Variants in ELN observed in about 807,000 individuals in gnomAD.
ELN encodes the protein tropoelastin.
Under a neutral mutation model 105.8 loss-of-function variants are expected in ELN, and 65 were observed. That is an observed-to-expected ratio of 0.61 (90% CI 0.50 to 0.75). The LOEUF (loss-of-function observed/expected upper bound fraction) is 0.75, where lower values mean the gene tolerates loss of function less well. ELN is among the 30% of genes least tolerant of loss of function. The pLI is 0.00. For missense variants in ELN, 882 were observed against 969.4 expected, an observed-to-expected ratio of 0.91 and a Z score of 1.20; for synonymous variants, 368 against 389.2, an observed-to-expected ratio of 0.95 and a Z score of 0.64.
In ELN at chr7:74,043,940, C is replaced by T. The variant is rs1320973586; in HGVS notation, c.469+20C>T. The T allele has an allele frequency of 2.5e-6, 4 of 1,613,798 alleles. No individual in the cohort carries two copies. The highest frequency in any genetic ancestry group is 3.4e-6 in the Non-Finnish European group (4 of 1,179,912). ...TCCCAGGTGAGAGCAAGGAGGGAAA[C>T]AGGGACTCTATAGGAAGAAAGCAGC... On this transcript the variant is annotated intron_variant, in intron 9 of 32. Coordinates refer to ENST00000252034, the MANE Select transcript of ELN (RefSeq NM_000501.4).
chr7:74,066,733 A>C lies in ELN; in HGVS notation c.2088A>C (p.Gly696=), dbSNP rs1798044033. 3 of 1,613,850 alleles carry C rather than the reference A, an allele frequency of 1.9e-6. No homozygotes were observed. The highest frequency in any genetic ancestry group is 2.5e-6 in the Non-Finnish European group (3 of 1,179,840). The change falls in exon 32 of 33, where the codon GGA becomes GGC. Residue 696 remains glycine (G), a splice_region_variant and synonymous_variant. Transcript: ENST00000252034. ...LGGAGQFPLG[G]VAARPGFGLS... Reference sequence around the variant, plus strand: ...ACCAACCTGAAATCTCTCCTGCAGGAGTGGCAGCAAGACCTGGCTTCGGAT... The same window carrying C: ...ACCAACCTGAAATCTCTCCTGCAGGCGTGGCAGCAAGACCTGGCTTCGGAT...
Position 74,043,016 on chromosome 7 carries a change from G to A in ELN, c.358G>A (p.Gly120Ser), listed in dbSNP as rs942805371. 5.0e-6 allele frequency: 8 copies of A among 1,614,080 alleles called. No individual in the cohort carries two copies. The African/African-American group carries it at 1.1e-4, about 22-fold the overall frequency. The change falls in exon 7 of 33, where the codon GGC becomes AGC. Residue 120 changes from glycine to serine, a missense_variant. Coordinates refer to ENST00000252034, the MANE Select transcript of ELN (RefSeq NM_000501.4). ...AGLGGVPGVG[G>S]LGVSAGAVVP... ...GCTTGGTGGTGTCCCAGGAGTTGGT[G>A]GCTTAGGAGTGTCTGCAGGTACGAT... is the stretch of plus-strand genomic sequence containing the variant.
chr7:74,056,155 A>T, intron 19 of ELN, 116 bp from the exon 20 acceptor site: 1 of 1,417,470 alleles, frequency 7.1e-7, no homozygotes, highest in Non-Finnish European at 9.9e-7. Flanking sequence ...TCTGTCTTTT[A>T]TGGACAAGGC....
chr7:74,033,355 A>C (rs1321785995), intron 1 of ELN, among the ~76,000 whole-genome samples: 1 of 152,228 alleles, frequency 6.6e-6, no homozygotes, highest in Non-Finnish European at 1.5e-5. Flanking sequence ...AAGAGGAGGA[A>C]GGAGAGAGGC....
At chr7:74,036,404 A>C (rs1414729369) in intron 2 of ELN, 151 bp from the exon 3 acceptor site, 1 of 974,886 alleles carries the variant, frequency 1.0e-6, no homozygotes, top group African/African-American at 1.6e-5. Context: ...CTACTGGCCA[A>C]GCAGAAGAGA....
At chr7:74,040,476 G>T (rs1315244918) in intron 4 of ELN, among the ~76,000 whole-genome samples, 1 of 152,208 alleles carries the variant, frequency 6.6e-6, no homozygotes, top group Non-Finnish European at 1.5e-5. Context: ...AGCCAGGGGG[G>T]ACCTCTCCAG....
At chr7:74,031,871 AG>A (rs1788766232) in intron 1 of ELN, among the ~76,000 whole-genome samples, 3 of 144,658 alleles carry the variant, frequency 2.1e-5, no homozygotes, top group Non-Finnish European at 4.6e-5. Context: ...GAAGGAAGGA[AG>A]GAAGGAAGGA....
At chr7:74,053,911 A>G (rs1554677999) in intron 18 of ELN, among the ~76,000 whole-genome samples, 1 of 151,172 alleles carries the variant, frequency 6.6e-6, no homozygotes, top group African/African-American at 2.4e-5. Flanking sequence ...GAATGGATGA[A>G]TGGGTAGATG....
In ELN at chr7:74,059,989, A is replaced by AGTTGGTGTGGCTCCTGGC; in HGVS notation, c.1524_1541dup (p.Val513_Gly518dup). 1.2e-6 allele frequency: 2 copies of AGTTGGTGTGGCTCCTGGC among 1,610,410 alleles called. No individual in the cohort carries two copies. The highest frequency in any genetic ancestry group is 1.7e-6 in the Non-Finnish European group (2 of 1,179,022). ...CTCCTGGAGTTGGCGTGGCTCCTGG[A>AGTTGGTGTGGCTCCTGGC]GTTGGTGTGGCTCCTGGCGTTGGCG... On this transcript the variant is annotated inframe_insertion, in exon 23 of 33. Transcript: ENST00000252034.
At chr7:74,048,295 C>A in intron 14 of ELN, 94 bp downstream of exon 14, 1 of 1,571,200 alleles carries the variant, frequency 6.4e-7, no homozygotes, top group Non-Finnish European at 8.8e-7. Flanking sequence ...CTGAAAGCAG[C>A]AGCCCACCCT....
intron 1 of ELN, among the ~76,000 whole-genome samples, chr7:74,034,257 G>A (rs1345051374): frequency 6.6e-6 from 1 of 152,152 alleles, no homozygotes; most frequent in East Asian, 1.9e-4. Context: ...AATGCTCGCT[G>A]TAGCAGCCCA....
chr7:74,063,053 T>C lies in ELN; in HGVS notation c.1787-100T>C. The C allele has an allele frequency of 7.0e-7, 1 of 1,433,116 alleles. No homozygotes were observed. The allele number at this position is 1,433,116 out of a possible 1,614,324, so 88.8% of individuals were successfully genotyped here. On this transcript the variant is annotated intron_variant, in intron 26 of 32. Coordinates refer to ENST00000252034, the MANE Select transcript of ELN (RefSeq NM_000501.4). This position sits in a 1 kb window ranked among gnomAD's most constrained non-coding sequence, Gnocchi z 4.1. Reference sequence around the variant, plus strand: ...TCCTGTCCACTGCTCCTCCACAGTGTCACATGGCCCCTGCCACCTGTCTGC... The same window carrying C: ...TCCTGTCCACTGCTCCTCCACAGTGCCACATGGCCCCTGCCACCTGTCTGC...
chr7:74,064,038 G>A (rs897250488), intron 29 of ELN, among the ~76,000 whole-genome samples: 2 of 151,846 alleles, frequency 1.3e-5, no homozygotes, highest in East Asian at 3.9e-4. Context: ...AGGAGGCAGA[G>A]GCTGCAGTGA....
Position 74,060,200 on chromosome 7 carries a change from A to G in ELN, c.1621+16A>G. On this transcript the variant is annotated intron_variant, in intron 24 of 32. Coordinates refer to ENST00000252034, the MANE Select transcript of ELN (RefSeq NM_000501.4). ...GCCCAGCTCCGTGAGTGCCTCGCCCACCTTTCTCTCCTCTCCCCAACGATC... is the reference window on the plus strand; with the variant it reads ...GCCCAGCTCCGTGAGTGCCTCGCCCGCCTTTCTCTCCTCTCCCCAACGATC... 4.3e-6 allele frequency: 7 copies of G among 1,613,890 alleles called. No homozygotes were observed. Among genetic ancestry groups the G allele is most frequent in the Non-Finnish European group, 5.9e-6 (7 of 1,179,996 alleles).
intron 17 of ELN, chr7:74,052,832 G>T: frequency 3.0e-6 from 1 of 328,990 alleles, no homozygotes; most frequent in Non-Finnish European, 5.6e-6. Flanking sequence ...AAAGAGGGAG[G>T]GAGGGAGAGA....
At position 74,063,163 on chromosome 7, in the gene ELN, G is replaced by A. The variant is rs200584590; in HGVS notation, c.1797G>A (p.Val599=). 1.2e-6 allele frequency: 2 copies of A among 1,607,626 alleles called. No homozygotes were observed. The highest frequency in any genetic ancestry group is 1.3e-5 in the African/African-American group (1 of 74,882). ...AAKAAKYGAA[V]PGVLGGLGAL... is the part of the protein sequence containing the mutation. ...CTCCTCTCCCCGCAGGAGCAGCAGT[G>A]CCTGGGGTCCTTGGAGGGCTCGGGG... is the stretch of plus-strand genomic sequence containing the variant. Residue 599 remains valine, a synonymous_variant, in exon 27 of 33, where the codon GTG becomes GTA. Coordinates refer to ENST00000252034, the MANE Select transcript of ELN (RefSeq NM_000501.4). The surrounding 1 kb of genome is among the most constrained non-coding windows in gnomAD (Gnocchi z 4.1).
Position 74,060,358 on chromosome 7 carries a change from A to T in ELN, c.1622-18A>T. ...ATGCTCCCTGCCTGCTGTCGCCACC[A>T]CTGCCCTCTGTCTGCAGGAGCTGCA... On this transcript the variant is annotated intron_variant, in intron 24 of 32. Transcript: ENST00000252034. The T allele has an allele frequency of 6.2e-7, 1 of 1,614,098 alleles. No homozygotes were observed. Among genetic ancestry groups the T allele is most frequent in the Non-Finnish European group, 8.5e-7 (1 of 1,180,040 alleles).
chr7:74,063,252 G>T lies in ELN; in HGVS notation c.1858+28G>T. 6.3e-7 allele frequency: 1 copy of T among 1,597,720 alleles called. No individual in the cohort carries two copies. The highest frequency in any genetic ancestry group is 2.3e-5 in the East Asian group (1 of 44,438). On this transcript the variant is annotated intron_variant, in intron 27 of 32. Transcript: ENST00000252034. This position sits in a 1 kb window ranked among gnomAD's most constrained non-coding sequence, Gnocchi z 4.1. ...GAGTTGAAACCCCAGGAGGGGCAGG[G>T]TGGGGAGGGAATCTAACCAGTACAG...
chr7:74,038,549 C>A (rs1213956484), intron 4 of ELN, among the ~76,000 whole-genome samples: 1 of 152,216 alleles, frequency 6.6e-6, no homozygotes, highest in Non-Finnish European at 1.5e-5. Context: ...GGGGAATGCA[C>A]CCCCAGGAAG....
Sources: gnomAD v4.1 joint callset for allele counts (sites outside exome capture counted in the v4.1 genomes callset) on GRCh38, gnomAD v4.1.1 for gene constraint, Gnocchi (gnomAD v3.1) non-coding constraint, MANE v1.5 for transcripts, NCBI Gene and HGNC (gene_info 2026-07-23, HGNC 2026-07-21) for gene names.